The following IYD variants were observed in gnomAD, a reference collection of about 807,000 sequenced individuals.
The protein encoded by IYD is iodotyrosine deiodinase 1.
IYD carries 25 observed loss-of-function variants against 28.4 expected under a neutral mutation model. The ratio of observed to expected loss-of-function variants is 0.88; its 90% CI spans 0.64 to 1.23. The LOEUF is 1.23. IYD is among the 50% of genes most tolerant of loss of function. The probability of loss-of-function intolerance (pLI) is 0.00; values close to 1 mark genes in which losing one functional copy is unlikely to be tolerated. For missense variants in IYD, 352 were observed against 357.9 expected, an observed-to-expected ratio of 0.98 and a Z score of 0.13; for synonymous variants, 140 against 130.8, an observed-to-expected ratio of 1.07 and a Z score of -0.48.
intron 1 of IYD, among the ~76,000 whole-genome samples, chr6:150,376,939 G>C (rs1777465205): frequency 6.6e-6 from 1 of 152,072 alleles, no homozygotes; most frequent in Non-Finnish European, 1.5e-5. Context: ...ATTTCTTTTG[G>C]AAAGAAATGC....
chr6:150,376,223 G>A (rs1265567493), intron 1 of IYD, among the ~76,000 whole-genome samples: 1 of 152,136 alleles, frequency 6.6e-6, no homozygotes, highest in African/African-American at 2.4e-5. Context: ...AGCGAAATAT[G>A]AAAAGAAATT....
intron 1 of IYD, among the ~76,000 whole-genome samples, chr6:150,383,875 G>T (rs750327893): frequency 6.6e-6 from 1 of 150,670 alleles, no homozygotes; most frequent in Non-Finnish European, 1.5e-5. Context: ...CCTTGAAGTG[G>T]ATTTGTATCT....
intron 4 of IYD, among the ~76,000 whole-genome samples, chr6:150,397,076 A>T (rs924887973): frequency 1.3e-5 from 2 of 152,078 alleles, no homozygotes; most frequent in Non-Finnish European, 2.9e-5. Context: ...GTATATGATG[A>T]TGTTGTATAA....
At chr6:150,397,915 C>A in intron 4 of IYD, 140 bp from the exon 5 acceptor site, 1 of 807,638 alleles carries the variant, frequency 1.2e-6, no homozygotes, top group Non-Finnish European at 2.1e-6. Flanking sequence ...ATTACTTGAG[C>A]TGGCAGCCTC....
At chr6:150,374,049 G>A (rs991583742) in intron 1 of IYD, among the ~76,000 whole-genome samples, 49 of 152,280 alleles carry the variant, frequency 3.2e-4, no homozygotes, top group African/African-American at 1.2e-3. Flanking sequence ...GGGGACACTG[G>A]GGTACCCAAA....
At chr6:150,373,247 A>C (rs1225016157) in intron 1 of IYD, among the ~76,000 whole-genome samples, 1 of 152,218 alleles carries the variant, frequency 6.6e-6, no homozygotes, top group East Asian at 1.9e-4. Flanking sequence ...TGTTCCTACA[A>C]ACTTGAGAAA....
chr6:150,392,665 C>T (rs1488538429), intron 3 of IYD, among the ~76,000 whole-genome samples, 161 bp downstream of exon 3: 2 of 152,118 alleles, frequency 1.3e-5, no homozygotes, highest in Admixed American at 6.5e-5. Context: ...TCCTGTATTG[C>T]CATGTGAGCG....
At chr6:150,389,215 C>T (rs1029195335) in intron 1 of IYD, 137 bp from the exon 2 acceptor site, 5 of 674,738 alleles carry the variant, frequency 7.4e-6, no homozygotes, top group African/African-American at 7.2e-5. Context: ...TTCTGTAAAT[C>T]TATTCTTTTT....
In IYD at chr6:150,399,179, A is replaced by G. The variant is rs1001429887; in HGVS notation, c.*942A>G. ...GGTTTGGTAGATCTGACTTGTAAGC[A>G]GTTCATAGAAGCTGCTCAATACTCA... is the stretch of plus-strand genomic sequence containing the variant. On this transcript the variant is annotated 3_prime_UTR_variant, in exon 5 of 5. Coordinates refer to ENST00000344419, the MANE Select transcript of IYD (RefSeq NM_203395.3). The G allele has an allele frequency of 1.3e-5, 2 of 152,256 alleles. No individual in the cohort carries two copies. The allele number at this position is 152,256 out of a possible 1,614,324, so 9.4% of individuals were successfully genotyped here.
At position 150,404,723 on chromosome 6, in the gene IYD, G is replaced by T. The variant is rs1241004309; in HGVS notation, c.*6486G>T. ...CCAAAGAGATTTGTTTTATTTATTT[G>T]TTTACTAGTTTTATAAATAGGATAA... On this transcript the variant is annotated 3_prime_UTR_variant, in exon 5 of 5. Transcript: ENST00000344419. 1 of 152,088 alleles carries T rather than the reference G, an allele frequency of 6.6e-6. No homozygotes were observed. Among genetic ancestry groups the T allele is most frequent in the African/African-American group, 2.4e-5 (1 of 41,416 alleles). 9.4% of individuals were successfully genotyped at this position (152,088 alleles called of 1,614,324 possible). A position where few individuals can be genotyped will look rare whatever the true frequency, so the allele number is the denominator to read the frequency against.
rs1402618765 is a variant in IYD, at chr6:150,399,971, T to C, written c.*1734T>C. The stretch of plus-strand genomic sequence containing the variant: ...CATTCCGTCCATGGCACCTACTTCA[T>C]AGGGTTTGGCATGCTGCTCGGTACA... On this transcript the variant is annotated 3_prime_UTR_variant, in exon 5 of 5. Transcript: ENST00000344419. 1 of 152,232 alleles carries C rather than the reference T, an allele frequency of 6.6e-6. No individual in the cohort carries two copies. The highest frequency in any genetic ancestry group is 6.5e-5 in the Admixed American group (1 of 15,284). The allele number at this position is 152,232 out of a possible 1,614,324, so 9.4% of individuals were successfully genotyped here. A position where few individuals can be genotyped will look rare whatever the true frequency, so the allele number is the denominator to read the frequency against.
At chr6:150,369,410 C>T (rs999852084) in intron 1 of IYD, among the ~76,000 whole-genome samples, 2 of 152,138 alleles carry the variant, frequency 1.3e-5, no homozygotes, top group East Asian at 1.9e-4. Flanking sequence ...TGGGACCAAC[C>T]CTTTTTTATT....
intron 1 of IYD, among the ~76,000 whole-genome samples, chr6:150,387,544 A>G (rs1479647108): frequency 2.0e-5 from 3 of 151,962 alleles, no homozygotes; most frequent in Non-Finnish European, 4.4e-5. Flanking sequence ...CCTCCACCAT[A>G]TACTCTTTGA....
At position 150,398,343 on chromosome 6, in the gene IYD, G is replaced by C. The variant is rs956017670; in HGVS notation, c.*106G>C. The C allele has an allele frequency of 8.5e-5, 94 of 1,104,780 alleles. No homozygotes were observed. Among genetic ancestry groups the C allele is most frequent in the Non-Finnish European group, 1.2e-4 (90 of 735,556 alleles). 68.4% of individuals were successfully genotyped at this position (1,104,780 alleles called of 1,614,324 possible). A position where few individuals can be genotyped will look rare whatever the true frequency, so the allele number is the denominator to read the frequency against. On this transcript the variant is annotated 3_prime_UTR_variant, in exon 5 of 5. Transcript: ENST00000344419. ...TGGCTGCTCTTTCTCCAGGTGTCAG[G>C]TCCCCTCATTGCTCTTCTCAGGTGG... is the stretch of plus-strand genomic sequence containing the variant.
In IYD at chr6:150,369,201, CAGA is replaced by C. The variant is rs778553349; in HGVS notation, c.176_178del (p.Glu59del). 20 of 1,612,326 alleles carry C rather than the reference CAGA, an allele frequency of 1.2e-5. No homozygotes were observed. The highest frequency in any genetic ancestry group is 2.2e-5 in the South Asian group (2 of 91,022). ...AAAGACAGCAGTGACCTGCACCAAGCAGAAGAAGGTAAAGACACCAGCTATGCT... is the reference window on the plus strand; with the variant it reads ...AAAGACAGCAGTGACCTGCACCAAGCAGAAGGTAAAGACACCAGCTATGCT... On this transcript the variant is annotated inframe_deletion, in exon 1 of 5. Transcript: ENST00000344419.
rs1402555078 is a variant in IYD, at chr6:150,401,029, G to T, written c.*2792G>T. On this transcript the variant is annotated 3_prime_UTR_variant, in exon 5 of 5. Coordinates refer to ENST00000344419, the MANE Select transcript of IYD (RefSeq NM_203395.3). The stretch of plus-strand genomic sequence containing the variant: ...ATTGACAACTTACTCCAGGAAAAAA[G>T]GTGTGTGTATAGGTGTGTGTTTGGA... 6.6e-6 allele frequency: 1 copy of T among 152,100 alleles called. No individual in the cohort carries two copies. The highest frequency in any genetic ancestry group is 2.4e-5 in the African/African-American group (1 of 41,400). 9.4% of individuals were successfully genotyped at this position (152,100 alleles called of 1,614,324 possible). A position where few individuals can be genotyped will look rare whatever the true frequency, so the allele number is the denominator to read the frequency against.
intron 4 of IYD, among the ~76,000 whole-genome samples, chr6:150,395,074 A>G (rs1582800743): frequency 6.6e-6 from 1 of 152,164 alleles, no homozygotes; most frequent in Non-Finnish European, 1.5e-5. Flanking sequence ...CACTCTTCTC[A>G]GCTTCCCAAA....
chr6:150,396,594 G>A (rs1778320447), intron 4 of IYD: 2 of 609,286 alleles, frequency 3.3e-6, no homozygotes, highest in Non-Finnish European at 5.8e-6. Flanking sequence ...TTAAGACTTG[G>A]CCAGGTGCGG....
rs1778463477 is a variant in IYD, at chr6:150,400,062, C to G, written c.*1825C>G. The G allele has an allele frequency of 6.6e-6, 1 of 152,218 alleles. No individual in the cohort carries two copies. Among genetic ancestry groups the G allele is most frequent in the Non-Finnish European group, 1.5e-5 (1 of 68,076 alleles). 9.4% of individuals were successfully genotyped at this position (152,218 alleles called of 1,614,324 possible). ...GAAACCATTGTCACTGCAAGGCAGC[C>G]CTGCTTGGGATTCAGGTGAACAAAT... On this transcript the variant is annotated 3_prime_UTR_variant, in exon 5 of 5. Transcript: ENST00000344419.
Sources: gnomAD v4.1 joint callset for allele counts (sites outside exome capture counted in the v4.1 genomes callset) on GRCh38, gnomAD v4.1.1 for gene constraint, MANE v1.5 for transcripts, NCBI Gene and HGNC (gene_info 2026-07-23, HGNC 2026-07-21) for gene names.